The following EYA4 variants were observed in gnomAD, a reference collection of about 807,000 sequenced individuals.
EYA4 encodes the protein EYA transcriptional coactivator and phosphatase 4, also known as protein phosphatase EYA4.
In EYA4, 31 loss-of-function variants were observed where a neutral mutation model predicts 87.9. That is an observed-to-expected ratio of 0.35 (90% CI 0.27 to 0.48). EYA4 has a LOEUF of 0.48. EYA4 is among the 20% of genes least tolerant of loss of function. EYA4 has a pLI of 0.99. For synonymous variants in EYA4, 263 were observed against 270.6 expected, an observed-to-expected ratio of 0.97 and a Z score of 0.28; for missense variants, 678 against 761.4, an observed-to-expected ratio of 0.89 and a Z score of 1.29.
intron 3 of EYA4, among the ~76,000 whole-genome samples, chr6:133,430,118 T>A (rs77422913): frequency 6.6e-6 from 1 of 152,110 alleles, no homozygotes. Context: ...GAACATGCGG[T>A]ATTTGGTTTT....
chr6:133,506,473 T>C (rs1798634643), intron 14 of EYA4, among the ~76,000 whole-genome samples: 1 of 152,202 alleles, frequency 6.6e-6, no homozygotes, highest in South Asian at 2.1e-4. Flanking sequence ...CTTGGTTCTT[T>C]TAGTGTTTCA....
At chr6:133,279,244 G>C (rs553159957) in intron 2 of EYA4, among the ~76,000 whole-genome samples, 2 of 152,216 alleles carry the variant, frequency 1.3e-5, no homozygotes, top group South Asian at 4.1e-4. Flanking sequence ...GTAAAACTAA[G>C]TAAAATGAAT....
intron 6 of EYA4, among the ~76,000 whole-genome samples, chr6:133,460,850 A>G (rs577886138): frequency 2.0e-5 from 3 of 152,286 alleles, no homozygotes; most frequent in African/African-American, 7.2e-5. Context: ...GCATATTAAT[A>G]TATAAGAGCA....
intron 2 of EYA4, among the ~76,000 whole-genome samples, chr6:133,307,189 C>T (rs893162780): frequency 2.0e-4 from 30 of 152,166 alleles, no homozygotes; most frequent in African/African-American, 6.3e-4. Flanking sequence ...GTTTCTTCCA[C>T]GGTTTGAAAG....
Position 133,356,785 on chromosome 6 carries a change from GTGTGTGTATATA to G in EYA4, c.34-25605_34-25594del, listed in dbSNP as rs779938898. Reference sequence around the variant, plus strand: ...TGTGTGTGTGTGTGTGTGTGTGTGTGTGTGTGTATATATATATTTTATTTTTATTTTTTTTGA... The same window carrying G: ...TGTGTGTGTGTGTGTGTGTGTGTGTGTATATTTTATTTTTATTTTTTTTGA... On this transcript the variant is annotated intron_variant, in intron 2 of 19. Transcript: ENST00000355286. Among the ~76,000 whole-genome samples, 309 of 94,110 alleles carry G rather than the reference GTGTGTGTATATA, an allele frequency of 3.3e-3. 3 individuals carry two copies. The highest frequency in any genetic ancestry group is 4.4e-3 in the South Asian group (12 of 2,740). 61.7% of individuals were successfully genotyped at this position (94,110 alleles called of 152,430 possible). A position where few individuals can be genotyped will look rare whatever the true frequency, so the allele number is the denominator to read the frequency against.
rs530300228 is a variant in EYA4 at position 133,526,472 on chromosome 6, G to T, written c.1839+1218G>T. On this transcript the variant is annotated intron_variant, in intron 19 of 19. Transcript: ENST00000355286. ...AAGGAAATGATGTATGTTTCTAGTC[G>T]ATTTAAATCAAGCAAAATGGAGAAA... is the stretch of plus-strand genomic sequence containing the variant. Among the ~76,000 whole-genome samples, 31 of 152,238 alleles carry T rather than the reference G, an allele frequency of 2.0e-4. 1 individual carries two copies. The highest frequency in any genetic ancestry group is 7.2e-4 in the African/African-American group (30 of 41,558).
chr6:133,353,926 T>C (rs1207330088), intron 2 of EYA4, among the ~76,000 whole-genome samples: 1 of 152,186 alleles, frequency 6.6e-6, no homozygotes, highest in East Asian at 1.9e-4. Flanking sequence ...TTAAATATTC[T>C]AATTTTCAAA....
intron 2 of EYA4, among the ~76,000 whole-genome samples, chr6:133,346,505 T>C (rs1783207726): frequency 6.6e-6 from 1 of 152,214 alleles, no homozygotes; most frequent in South Asian, 2.1e-4. Flanking sequence ...ATCTTATCAT[T>C]AGCAACCTTG....
At chr6:133,295,938 A>G (rs531486857) in intron 2 of EYA4, among the ~76,000 whole-genome samples, 3 of 152,344 alleles carry the variant, frequency 2.0e-5, no homozygotes, top group African/African-American at 7.2e-5. Context: ...AAATATGTCT[A>G]GTGGCATTAA....
At chr6:133,333,116 C>T (rs1014269824) in intron 2 of EYA4, among the ~76,000 whole-genome samples, 1 of 152,138 alleles carries the variant, frequency 6.6e-6, no homozygotes, top group African/African-American at 2.4e-5. Flanking sequence ...CTTCCTATAA[C>T]TTATCAAAAT....
intron 1 of EYA4, among the ~76,000 whole-genome samples, chr6:133,264,555 G>A (rs947391827): frequency 6.6e-6 from 1 of 152,220 alleles, no homozygotes; most frequent in African/African-American, 2.4e-5. Flanking sequence ...GGGATTTGGC[G>A]AACTTTTGGA....
At chr6:133,280,857 C>T (rs544328082) in intron 2 of EYA4, among the ~76,000 whole-genome samples, 29 of 152,268 alleles carry the variant, frequency 1.9e-4, no homozygotes, top group African/African-American at 5.8e-4. Context: ...TGCCCATTAG[C>T]ACACTCCCCA....
intron 17 of EYA4, among the ~76,000 whole-genome samples, chr6:133,522,489 A>C (rs576547082): frequency 6.6e-6 from 1 of 152,272 alleles, no homozygotes; most frequent in South Asian, 2.1e-4. Context: ...GAATGTTCCC[A>C]ATGGGAAAAC....
At chr6:133,345,754 G>A (rs1207630245) in intron 2 of EYA4, among the ~76,000 whole-genome samples, 1 of 151,988 alleles carries the variant, frequency 6.6e-6, no homozygotes, top group Non-Finnish European at 1.5e-5. Context: ...TTTTAGAAAG[G>A]GGTAAAGTAA....
intron 13 of EYA4, among the ~76,000 whole-genome samples, chr6:133,483,873 G>A (rs1041317192): frequency 6.6e-6 from 1 of 151,782 alleles, no homozygotes; most frequent in East Asian, 1.9e-4. Flanking sequence ...ACAGGTGCCC[G>A]CCACCATGCC....
chr6:133,368,079 G>A (rs1784990029), intron 2 of EYA4, among the ~76,000 whole-genome samples: 1 of 152,084 alleles, frequency 6.6e-6, no homozygotes, highest in African/African-American at 2.4e-5. Context: ...TTTCCCACTT[G>A]GTTATAATGG....
rs769220102 is a variant in EYA4 at position 133,462,726 on chromosome 6, C to A, written c.686C>A (p.Pro229Gln). The A allele has an allele frequency of 3.7e-6, 6 of 1,613,912 alleles. No homozygotes were observed. The African/African-American group carries it at 4.0e-5, about 11-fold the overall frequency. ...AGTTACAGCCCAGGGTTCTCTACCC[C>A]ACAGCCAGGCCAGACACCTTATTCT... ...CLSYSPGFST[P>Q]QPGQTPYSYQ... The change falls in exon 9 of 20, where the codon CCA (proline) becomes CAA (glutamine). Residue 229 changes from proline (P) to glutamine (Q), a missense_variant. Physicochemically the swap from Pro to Gln is moderately conservative, Grantham distance 76. Transcript: ENST00000355286.
At chr6:133,364,573 T>C (rs1784713265) in intron 2 of EYA4, among the ~76,000 whole-genome samples, 1 of 152,238 alleles carries the variant, frequency 6.6e-6, no homozygotes, top group Admixed American at 6.5e-5. Context: ...TACAGGGAGT[T>C]ACTTCTGCTA....
At chr6:133,363,478 CTTTT>C (rs71003637) in intron 2 of EYA4, 12 of 137,172 alleles carry the variant, frequency 8.7e-5, no homozygotes, top group East Asian at 2.2e-4. Flanking sequence ...CCTTGTAACT[CTTTT>C]TTTTTTTTTT....
Sources: allele counts gnomAD v4.1 joint callset (sites outside exome capture counted in the v4.1 genomes callset), GRCh38; gene constraint gnomAD v4.1.1; transcripts MANE v1.5; gene names NCBI Gene and HGNC (gene_info 2026-07-23, HGNC 2026-07-21).